PABPC4L: variants seen among roughly 807,000 people sequenced by gnomAD.
The protein encoded by PABPC4L is polyadenylate-binding protein 4-like.
For synonymous variants in PABPC4L, 169 were observed against 164.1 expected (o/e 1.03, Z -0.23); for missense variants, 452 against 451.4 (o/e 1.00, Z -0.01).
chr4:134,189,867 C>T, the PABPC4L span, among the ~76,000 whole-genome samples: 1 of 151,982 alleles, frequency 6.6e-6, no homozygotes, highest in African/African-American at 2.4e-5. Flanking sequence ...ACAAAACCCC[C>T]TAGGTTAGGC....
rs1729783856 is a variant in PABPC4L, at chr4:134,199,742, A to T, written c.*165T>A. The T allele has an allele frequency of 1.1e-6, 1 of 874,044 alleles. No homozygotes were observed. The highest frequency in any genetic ancestry group is 1.7e-5 in the African/African-American group (1 of 58,020). The allele number at this position is 874,044 out of a possible 1,614,324, so 54.1% of individuals were successfully genotyped here. A position where few individuals can be genotyped will look rare whatever the true frequency, so the allele number is the denominator to read the frequency against. ...AACTAAGCTCCATCTATTTTTCCACAAAAGAAAAAAAATGGCTTTGTATAA... is the reference window on the plus strand; with the variant it reads ...AACTAAGCTCCATCTATTTTTCCACTAAAGAAAAAAAATGGCTTTGTATAA... On this transcript the variant is annotated 3_prime_UTR_variant, in exon 2 of 2. Coordinates refer to ENST00000421491, the MANE Select transcript of PABPC4L (RefSeq NM_001114734.2).
chr4:133,969,650 C>A, the PABPC4L span, among the ~76,000 whole-genome samples: 2 of 152,192 alleles, frequency 1.3e-5, no homozygotes, highest in Non-Finnish European at 2.9e-5. Context: ...CTAGCACTTG[C>A]AGAAACACAT....
In PABPC4L at chr4:134,199,998, G is replaced by A. The variant is rs1292761797; in HGVS notation, c.1022C>T (p.Ser341Phe). The A allele has an allele frequency of 1.3e-6, 2 of 1,551,602 alleles. No homozygotes were observed. The highest frequency in any genetic ancestry group is 1.7e-6 in the Non-Finnish European group (2 of 1,146,922). Residue 341 changes from serine to phenylalanine, a missense_variant, in exon 2 of 2, where the codon TCT (serine) becomes TTT (phenylalanine). Ser to Phe is a radical substitution (Grantham distance 155). Coordinates refer to ENST00000421491, the MANE Select transcript of PABPC4L (RefSeq NM_001114734.2). Reference sequence around the variant, plus strand: ...CATTGCTTTAGTAGCATCCTCAGGAGAGGAGAAGCAGATCAAGCCAAACCC... The same window carrying A: ...CATTGCTTTAGTAGCATCCTCAGGAAAGGAGAAGCAGATCAAGCCAAACCC... ...SKGFGLICFS[S>F]PEDATKAMTE... is the part of the protein sequence containing the mutation.
chr4:134,168,729 G>T, the PABPC4L span, among the ~76,000 whole-genome samples: 1 of 151,780 alleles, frequency 6.6e-6, no homozygotes, highest in African/African-American at 2.4e-5. Context: ...AAAAAAATCA[G>T]AAACCTGAAT....
At chr4:134,185,797 A>G in the PABPC4L span, among the ~76,000 whole-genome samples, 1 of 152,148 alleles carries the variant, frequency 6.6e-6, no homozygotes, top group Non-Finnish European at 1.5e-5. Context: ...CCATCGTCTC[A>G]ACCCAAAATC....
the PABPC4L span, among the ~76,000 whole-genome samples, chr4:134,116,793 A>G: frequency 2.0e-5 from 3 of 151,786 alleles, no homozygotes; most frequent in Admixed American, 1.3e-4. Flanking sequence ...CCAGATCTCA[A>G]TAAAATTTCA....
the PABPC4L span, among the ~76,000 whole-genome samples, chr4:134,102,322 C>T: frequency 6.6e-6 from 1 of 151,150 alleles, no homozygotes; most frequent in Non-Finnish European, 1.5e-5. Flanking sequence ...TAACTGAGCT[C>T]ATAAAAGTGC....
the PABPC4L span, among the ~76,000 whole-genome samples, chr4:133,957,289 T>G: frequency 2.6e-5 from 4 of 152,114 alleles, no homozygotes; most frequent in African/African-American, 4.8e-5. Context: ...ACAGGCACCA[T>G]GCTAGTCCGA....
the PABPC4L span, among the ~76,000 whole-genome samples, chr4:134,080,459 A>G: frequency 6.6e-6 from 1 of 152,096 alleles, no homozygotes; most frequent in Non-Finnish European, 1.5e-5. Flanking sequence ...TTGATGTTTC[A>G]TTTGGGAATT....
At chr4:134,139,257 T>C in the PABPC4L span, among the ~76,000 whole-genome samples, 2 of 151,952 alleles carry the variant, frequency 1.3e-5, no homozygotes, top group African/African-American at 2.4e-5. Context: ...AGCTAGATAA[T>C]GATTGGTTCA....
At chr4:134,039,082 C>A in the PABPC4L span, among the ~76,000 whole-genome samples, 437 of 152,070 alleles carry the variant, frequency 2.9e-3, 4 homozygotes, top group African/African-American at 9.9e-3. Context: ...CATTATTTAC[C>A]CAATAGTCAG....
chr4:134,139,686 T>C, the PABPC4L span, among the ~76,000 whole-genome samples: 2 of 129,502 alleles, frequency 1.5e-5, no homozygotes, highest in Admixed American at 8.0e-5. Flanking sequence ...CATTCATTCT[T>C]TTATTTTTTT....
At chr4:134,077,861 T>C in the PABPC4L span, among the ~76,000 whole-genome samples, 17 of 152,280 alleles carry the variant, frequency 1.1e-4, no homozygotes, top group Non-Finnish European at 2.2e-4. Flanking sequence ...TGGAATCTGA[T>C]CATGCTTCGG....
At chr4:134,074,180 C>A in the PABPC4L span, among the ~76,000 whole-genome samples, 3 of 152,256 alleles carry the variant, frequency 2.0e-5, no homozygotes, top group Non-Finnish European at 4.4e-5. Flanking sequence ...AATGCTTTGC[C>A]ACTTAGAAAT....
At chr4:134,035,498 G>T in the PABPC4L span, among the ~76,000 whole-genome samples, 4 of 151,866 alleles carry the variant, frequency 2.6e-5, no homozygotes, top group African/African-American at 7.2e-5. Flanking sequence ...ATTTGTTTAA[G>T]TTTCCATTAC....
chr4:134,043,852 A>C, the PABPC4L span, among the ~76,000 whole-genome samples: 4 of 151,968 alleles, frequency 2.6e-5, no homozygotes, highest in African/African-American at 9.7e-5. Flanking sequence ...TCCAAATAAC[A>C]ATGTTAGGAT....
At chr4:134,138,545 A>G in the PABPC4L span, among the ~76,000 whole-genome samples, 44 of 151,896 alleles carry the variant, frequency 2.9e-4, no homozygotes, top group African/African-American at 1.0e-3. Context: ...TTTTCACCTA[A>G]TATTTTCTTT....
the PABPC4L span, among the ~76,000 whole-genome samples, chr4:133,957,307 T>A: frequency 1.3e-5 from 2 of 152,132 alleles, no homozygotes; most frequent in African/African-American, 4.8e-5. Context: ...CGAAATCTAG[T>A]GGGGCAGTCA....
downstream of PABPC4L, among the ~76,000 whole-genome samples, chr4:134,193,096 G>T (rs892590913): frequency 4.0e-5 from 6 of 151,866 alleles, no homozygotes; most frequent in African/African-American, 1.5e-4. Flanking sequence ...CTTTGTTTTT[G>T]CCTATAGTGT....
Sources: allele counts gnomAD v4.1 joint callset (sites outside exome capture counted in the v4.1 genomes callset), GRCh38; gene constraint gnomAD v4.1.1; transcripts MANE v1.5; gene names NCBI Gene and HGNC (gene_info 2026-07-23, HGNC 2026-07-21).